Variants in RIC1 observed in about 807,000 individuals in gnomAD.
The protein encoded by RIC1 is guanine nucleotide exchange factor subunit RIC1.
RIC1 carries 88 observed loss-of-function variants against 169.0 expected under a neutral mutation model. The observed-to-expected ratio is 0.52, with a 90% CI of 0.44 to 0.62. The LOEUF is 0.62. Ranked by LOEUF, RIC1 falls within the 20% of genes least tolerant of loss-of-function variation. The probability of loss-of-function intolerance (pLI) is 0.00; values close to 1 mark genes in which losing one functional copy is unlikely to be tolerated. For missense variants in RIC1, 1,877 were observed against 1,725.5 expected (o/e 1.09, Z -1.56); for synonymous variants, 790 against 601.5 (o/e 1.31, Z -4.59).
Position 5,763,915 on chromosome 9 carries a change from C to G in RIC1, c.2841+47C>G. On this transcript the variant is annotated intron_variant, in intron 19 of 25. Transcript: ENST00000414202. This position sits in a 1 kb window ranked among gnomAD's most constrained non-coding sequence, Gnocchi z 5.2. ...AGGGGCAAGAATTAATGAGCTTAAA[C>G]TTAGAAAAATAGAAATGTCCTGTTT... The G allele has an allele frequency of 1.3e-6, 2 of 1,530,474 alleles. No individual in the cohort carries two copies. The highest frequency in any genetic ancestry group is 1.3e-5 in the South Asian group (1 of 77,620). 94.8% of individuals were successfully genotyped at this position (1,530,474 alleles called of 1,614,324 possible). A position where few individuals can be genotyped will look rare whatever the true frequency, so the allele number is the denominator to read the frequency against.
At chr9:5,689,792 G>A (rs1286600225) in intron 2 of RIC1, among the ~76,000 whole-genome samples, 167 bp from the exon 3 acceptor site, 1 of 151,782 alleles carries the variant, frequency 6.6e-6, no homozygotes, top group East Asian at 1.9e-4. Flanking sequence ...TTTCAACATG[G>A]GTTATATTAA....
At position 5,774,250 on chromosome 9, in the gene RIC1, T is replaced by C; in HGVS notation, c.*4T>C. On this transcript the variant is annotated 3_prime_UTR_variant, in exon 26 of 26. Coordinates refer to ENST00000414202, the MANE Select transcript of RIC1 (RefSeq NM_020829.4). ...TTACGACTGTTCTGTGTCCTAACAG[T>C]GAGGTTCCATCACAAAGGGGCAGTA... 6.3e-7 allele frequency: 1 copy of C among 1,595,458 alleles called. No homozygotes were observed. The highest frequency in any genetic ancestry group is 8.5e-7 in the Non-Finnish European group (1 of 1,170,050).
intron 3 of RIC1, among the ~76,000 whole-genome samples, chr9:5,708,331 C>A (rs369027489): frequency 6.6e-6 from 1 of 152,090 alleles, no homozygotes; most frequent in East Asian, 1.9e-4. Flanking sequence ...ACCAAAAATA[C>A]TGCTGGCTTT....
chr9:5,769,452 T>G, intron 22 of RIC1, 196 bp downstream of exon 22: 3 of 1,483,778 alleles, frequency 2.0e-6, no homozygotes, highest in Non-Finnish European at 2.7e-6. Flanking sequence ...CCTATGTCTC[T>G]AAGTCTTGTG....
intron 2 of RIC1, among the ~76,000 whole-genome samples, chr9:5,662,552 T>C (rs1819518969): frequency 6.6e-6 from 1 of 152,042 alleles, no homozygotes; most frequent in Non-Finnish European, 1.5e-5. Context: ...AGTTTCTTCC[T>C]GGTTCAGTCT....
chr9:5,678,590 G>A (rs1285111235), intron 2 of RIC1, among the ~76,000 whole-genome samples: 5 of 152,032 alleles, frequency 3.3e-5, no homozygotes, highest in African/African-American at 9.7e-5. Context: ...GCATTTCTCT[G>A]ATGGCCAGTG....
intron 6 of RIC1, among the ~76,000 whole-genome samples, chr9:5,726,146 G>A (rs559619404): frequency 2.9e-4 from 44 of 152,066 alleles, no homozygotes; most frequent in Admixed American, 1.1e-3. Context: ...TAATGTTTAC[G>A]GTGGGGTGTT....
chr9:5,672,833 A>G (rs1820191105), intron 2 of RIC1, among the ~76,000 whole-genome samples: 1 of 152,212 alleles, frequency 6.6e-6, no homozygotes, highest in Admixed American at 6.5e-5. Flanking sequence ...CATTCAGAGA[A>G]AAGGGAAAGA....
intron 17 of RIC1, among the ~76,000 whole-genome samples, chr9:5,759,020 G>A (rs1380777120): frequency 6.6e-6 from 1 of 151,440 alleles, no homozygotes; most frequent in Non-Finnish European, 1.5e-5. Flanking sequence ...TGGGATTAAG[G>A]GCGTGAGCCA....
At chr9:5,768,896 T>C in intron 21 of RIC1, 74 bp from the exon 22 acceptor site, 2 of 1,458,050 alleles carry the variant, frequency 1.4e-6, no homozygotes, top group Admixed American at 2.2e-5. Flanking sequence ...GCTTTATCAG[T>C]ACCTCTGCGT....
Position 5,629,252 on chromosome 9 carries a change from C to A in RIC1, c.-58C>A. The A allele has an allele frequency of 7.2e-7, 1 of 1,397,048 alleles. No individual in the cohort carries two copies. The highest frequency in any genetic ancestry group is 9.3e-7 in the Non-Finnish European group (1 of 1,073,320). 86.5% of individuals were successfully genotyped at this position (1,397,048 alleles called of 1,614,324 possible). A position where few individuals can be genotyped will look rare whatever the true frequency, so the allele number is the denominator to read the frequency against. ...GGCGGTGTGGGAGGTGGGCGACCAG[C>A]CCGGGGCCGCTGAGTGTGACGGACG... On this transcript the variant is annotated 5_prime_UTR_variant, in exon 1 of 26. Transcript: ENST00000414202.
At chr9:5,680,935 T>C (rs1475237248) in intron 2 of RIC1, among the ~76,000 whole-genome samples, 2 of 144,882 alleles carry the variant, frequency 1.4e-5, no homozygotes, top group Non-Finnish European at 3.0e-5. Flanking sequence ...CACGCCATTC[T>C]CCTGCCTCAG....
intron 3 of RIC1, among the ~76,000 whole-genome samples, chr9:5,706,734 T>G (rs1003071273): frequency 2.0e-5 from 3 of 152,212 alleles, no homozygotes; most frequent in Non-Finnish European, 2.9e-5. Context: ...TTGTTAGCAT[T>G]CAGTTGTTTA....
intron 2 of RIC1, among the ~76,000 whole-genome samples, chr9:5,688,241 C>T (rs1373140948): frequency 6.6e-6 from 1 of 152,178 alleles, no homozygotes; most frequent in Non-Finnish European, 1.5e-5. Flanking sequence ...CTGGACTCTT[C>T]AGCTTCTTCT....
chr9:5,689,861 T>C, intron 2 of RIC1, 98 bp from the exon 3 acceptor site: 1 of 774,264 alleles, frequency 1.3e-6, no homozygotes, highest in Non-Finnish European at 2.1e-6. Context: ...TATTGGAGAA[T>C]AAATTTTTTT....
chr9:5,680,026 ATTTATTGAGAGTTT>A (rs756469483), intron 2 of RIC1, among the ~76,000 whole-genome samples: 44 of 152,262 alleles, frequency 2.9e-4, no homozygotes, highest in Non-Finnish European at 3.7e-4. Context: ...TCAATACCTA[ATTTATTGAGAGTTT>A]TTAGCATGAA....
intron 1 of RIC1, among the ~76,000 whole-genome samples, chr9:5,632,164 T>C (rs1289565386): frequency 6.6e-6 from 1 of 152,210 alleles, no homozygotes; most frequent in African/African-American, 2.4e-5. Flanking sequence ...ACCTGAAATT[T>C]TGTTAGGGCT....
chr9:5,647,543 A>T (rs1427169199), intron 1 of RIC1, among the ~76,000 whole-genome samples: 2 of 152,126 alleles, frequency 1.3e-5, no homozygotes, highest in Admixed American at 6.5e-5. Flanking sequence ...TTTAGTCCTA[A>T]GTACTTTATT....
intron 3 of RIC1, among the ~76,000 whole-genome samples, chr9:5,701,880 A>C (rs2130775438): frequency 6.6e-6 from 1 of 152,316 alleles, no homozygotes; most frequent in Non-Finnish European, 1.5e-5. Context: ...GTTAACATTT[A>C]ATACACTCAA....
Sources: gnomAD v4.1 joint callset for allele counts (sites outside exome capture counted in the v4.1 genomes callset) on GRCh38, gnomAD v4.1.1 for gene constraint, Gnocchi (gnomAD v3.1) non-coding constraint, MANE v1.5 for transcripts, NCBI Gene and HGNC (gene_info 2026-07-23, HGNC 2026-07-21) for gene names.